The following RERE variants were observed in gnomAD, a reference collection of about 807,000 sequenced individuals.
The protein encoded by RERE is arginine-glutamic acid dipeptide repeats, also known as arginine-glutamic acid dipeptide repeats protein.
A neutral mutation model predicts 146.1 loss-of-function variants in RERE; 40 were observed. The observed-to-expected ratio is 0.27, with a 90% CI of 0.21 to 0.36. The LOEUF (loss-of-function observed/expected upper bound fraction) is 0.36, where lower values mean the gene tolerates loss of function less well. Ranked by LOEUF, RERE falls within the 10% of genes least tolerant of loss-of-function variation. The probability of loss-of-function intolerance (pLI) is 1.00; values close to 1 mark genes in which losing one functional copy is unlikely to be tolerated. For missense variants in RERE, 1,933 were observed against 2,138.7 expected, an observed-to-expected ratio of 0.90 and a Z score of 1.90; for synonymous variants, 1,003 against 866.0, an observed-to-expected ratio of 1.16 and a Z score of -2.78.
At chr1:8,610,494 C>T (rs1307530624) in intron 4 of RERE, among the ~76,000 whole-genome samples, 1 of 152,034 alleles carries the variant, frequency 6.6e-6, no homozygotes, top group Non-Finnish European at 1.5e-5. Context: ...GAGGCTGAGG[C>T]AGGAGAATCG....
rs1370419083 is a variant in RERE at position 8,423,629 on chromosome 1, G to A, written c.1204-822C>T. On this transcript the variant is annotated intron_variant, in intron 11 of 22. Transcript: ENST00000400908. This position sits in a 1 kb window ranked among gnomAD's most constrained non-coding sequence, Gnocchi z 5.4. ...CACAGGTAAGCGCCCGGGGTCCGGG[G>A]CGGCAAGAGGCCGTCGCCTGTCACT... 1 of 984,974 alleles carries A rather than the reference G, an allele frequency of 1.0e-6. No homozygotes were observed. Among genetic ancestry groups the A allele is most frequent in the African/African-American group, 1.7e-5 (1 of 57,182 alleles). The allele number at this position is 984,974 out of a possible 1,614,324, so 61.0% of individuals were successfully genotyped here. A position where few individuals can be genotyped will look rare whatever the true frequency, so the allele number is the denominator to read the frequency against.
intron 2 of RERE, among the ~76,000 whole-genome samples, chr1:8,624,715 C>T (rs11578142): frequency 0.16 from 24,243 of 152,184 alleles, 2,325 homozygotes; most frequent in Middle Eastern, 0.26. Flanking sequence ...CAAGATCACA[C>T]ATCAAGATGA....
chr1:8,421,746 C>T (rs1191924459), intron 12 of RERE, among the ~76,000 whole-genome samples: 6 of 152,132 alleles, frequency 3.9e-5, no homozygotes, highest in Non-Finnish European at 7.3e-5. Flanking sequence ...CCAAATTATC[C>T]GCATACTTTT....
chr1:8,555,778 G>A (rs573439515), intron 6 of RERE, among the ~76,000 whole-genome samples: 53 of 152,222 alleles, frequency 3.5e-4, no homozygotes, highest in South Asian at 1.0e-3. Flanking sequence ...AATACCCAAA[G>A]ATGCAAATGT....
At chr1:8,726,332 A>G (rs1308633418) in intron 1 of RERE, among the ~76,000 whole-genome samples, 3 of 151,660 alleles carry the variant, frequency 2.0e-5, no homozygotes, top group Non-Finnish European at 4.4e-5. Context: ...TTATATTTTT[A>G]GTAGAGATGG....
chr1:8,495,205 T>C, intron 9 of RERE, 43 bp from the exon 10 acceptor site: 2 of 1,402,988 alleles, frequency 1.4e-6, no homozygotes, highest in South Asian at 2.3e-5. Flanking sequence ...CATAGTAATA[T>C]CAGGACAGAG....
intron 4 of RERE, among the ~76,000 whole-genome samples, chr1:8,559,375 T>TAG (rs1646051243): frequency 6.6e-6 from 1 of 151,312 alleles, no homozygotes; most frequent in South Asian, 2.1e-4. Context: ...CATTTAACTG[T>TAG]GCCAAATACA....
intron 1 of RERE, among the ~76,000 whole-genome samples, chr1:8,707,321 A>C (rs1229857253): frequency 6.6e-6 from 1 of 152,228 alleles, no homozygotes; most frequent in African/African-American, 2.4e-5. Context: ...TAAAGCTATG[A>C]CCAGAAACAT....
At chr1:8,618,780 C>T (rs535223234) in intron 3 of RERE, among the ~76,000 whole-genome samples, 16 of 152,302 alleles carry the variant, frequency 1.1e-4, no homozygotes, top group Admixed American at 5.9e-4. Context: ...ATTACTCATC[C>T]TCAGTAAGTT....
chr1:8,408,935 A>C (rs1643535475), intron 12 of RERE, among the ~76,000 whole-genome samples: 1 of 152,128 alleles, frequency 6.6e-6, no homozygotes, highest in Non-Finnish European at 1.5e-5. Context: ...AACAAGTCTA[A>C]ATGTCCCGCA....
intron 6 of RERE, among the ~76,000 whole-genome samples, chr1:8,551,564 T>C (rs576107335): frequency 5.3e-5 from 8 of 152,306 alleles, no homozygotes; most frequent in Non-Finnish European, 7.4e-5. Context: ...ATTAACTCAG[T>C]ACAAAATTAC....
At chr1:8,547,324 A>C (rs1379737655) in intron 6 of RERE, among the ~76,000 whole-genome samples, 1 of 152,156 alleles carries the variant, frequency 6.6e-6, no homozygotes, top group African/African-American at 2.4e-5. Flanking sequence ...ATCCTAGAAC[A>C]ACTGGGTAGA....
Position 8,512,493 on chromosome 1 carries a change from A to C in RERE, c.831-3818T>G, listed in dbSNP as rs957495182. 2.0e-5 allele frequency among the ~76,000 whole-genome samples: 3 copies of C among 152,048 alleles called. No homozygotes were observed. In the East Asian group the frequency reaches 5.8e-4, roughly 29 times the overall value. Reference sequence around the variant, plus strand: ...CCAGAATCTGTCTCTTGTTTCAACAATGTCTGAACAGCACATATCCTGGGA... The same window carrying C: ...CCAGAATCTGTCTCTTGTTTCAACACTGTCTGAACAGCACATATCCTGGGA... On this transcript the variant is annotated intron_variant, in intron 7 of 22. Transcript: ENST00000400908.
chr1:8,760,633 G>C (rs1226770084), intron 1 of RERE, among the ~76,000 whole-genome samples: 1 of 152,128 alleles, frequency 6.6e-6, no homozygotes, highest in African/African-American at 2.4e-5. Context: ...GTTGTGTTTT[G>C]AAGATAGGGT....
At chr1:8,615,960 T>C (rs796671419) in intron 3 of RERE, among the ~76,000 whole-genome samples, 7 of 152,284 alleles carry the variant, frequency 4.6e-5, no homozygotes, top group East Asian at 1.9e-4. Flanking sequence ...GCCTCAGTGA[T>C]AGTATAGCTG....
At chr1:8,641,865 T>C (rs974080494) in intron 2 of RERE, among the ~76,000 whole-genome samples, 1 of 152,186 alleles carries the variant, frequency 6.6e-6, no homozygotes, top group African/African-American at 2.4e-5. Context: ...CATCCCCTTT[T>C]GGAGTTTTGA....
chr1:8,576,388 TAAG>T (rs981590921), intron 4 of RERE, among the ~76,000 whole-genome samples: 3 of 152,036 alleles, frequency 2.0e-5, no homozygotes, highest in Non-Finnish European at 2.9e-5. Context: ...ACTCAGTAAA[TAAG>T]AAGAAAGTTA....
At chr1:8,574,505 C>T (rs565536462) in intron 4 of RERE, among the ~76,000 whole-genome samples, 11 of 151,938 alleles carry the variant, frequency 7.2e-5, no homozygotes, top group South Asian at 2.1e-4. Flanking sequence ...CCACCACGCC[C>T]GGCTAATATA....
intron 16 of RERE, among the ~76,000 whole-genome samples, chr1:8,362,382 G>A (rs1311764094): frequency 6.6e-6 from 1 of 152,172 alleles, no homozygotes; most frequent in Admixed American, 6.5e-5. Context: ...AATCTCTAAT[G>A]GATACCAAGG....
Sources: allele counts gnomAD v4.1 joint callset (sites outside exome capture counted in the v4.1 genomes callset), GRCh38; gene constraint gnomAD v4.1.1; non-coding constraint Gnocchi (gnomAD v3.1); transcripts MANE v1.5; gene names NCBI Gene and HGNC (gene_info 2026-07-23, HGNC 2026-07-21).